PUS10: variants seen among roughly 807,000 people sequenced by gnomAD.
The protein encoded by PUS10 is pseudouridine synthase 10, also known as tRNA pseudouridine synthase Pus10.
Under a neutral mutation model 75.0 loss-of-function variants are expected in PUS10, and 59 were observed. The ratio of observed to expected loss-of-function variants is 0.79; its 90% CI spans 0.64 to 0.98. PUS10 has a LOEUF of 0.98. PUS10 is among the 50% of genes least tolerant of loss of function. The pLI, the probability that PUS10 is intolerant of heterozygous loss-of-function variation, is 0.00. For missense variants in PUS10, 650 were observed against 614.4 expected (o/e 1.06, Z -0.61); for synonymous variants, 219 against 211.6 (o/e 1.03, Z -0.30).
intron 17 of PUS10, among the ~76,000 whole-genome samples, chr2:60,942,801 T>C (rs927540452): frequency 6.6e-6 from 1 of 152,028 alleles, no homozygotes; most frequent in Non-Finnish European, 1.5e-5. Flanking sequence ...ATGATCAAGG[T>C]GGGCAGACCA....
chr2:60,967,295 A>G, intron 6 of PUS10: 1 of 417,284 alleles, frequency 2.4e-6, no homozygotes, highest in Non-Finnish European at 4.3e-6. Flanking sequence ...AGTGTCTTAG[A>G]TCATAAAGAA....
At chr2:61,007,411 A>G (rs1214521730) in intron 3 of PUS10, among the ~76,000 whole-genome samples, 1 of 152,016 alleles carries the variant, frequency 6.6e-6, no homozygotes, top group Non-Finnish European at 1.5e-5. Flanking sequence ...CAATGAGCCA[A>G]TATCATGCCA....
chr2:60,991,098 C>G lies in PUS10; in HGVS notation c.468+15459G>C, dbSNP rs1227724430. Among the ~76,000 whole-genome samples, 5 of 152,168 alleles carry G rather than the reference C, an allele frequency of 3.3e-5. No homozygotes were observed. In the East Asian group the frequency reaches 9.6e-4, roughly 29 times the overall value. ...CTCTCTATGTTGCCCAGGCTGGTCT[C>G]AAACTCCTGGGCTCAGGCAATCCTC... On this transcript the variant is annotated intron_variant, in intron 4 of 17. Transcript: ENST00000316752.
Position 60,965,578 on chromosome 2 carries a change from C to T in PUS10, c.616-94G>A, listed in dbSNP as rs138595461. 777 of 932,498 alleles carry T rather than the reference C, an allele frequency of 8.3e-4. 4 individuals carry two copies. The highest frequency in any genetic ancestry group is 4.8e-3 in the Middle Eastern group (21 of 4,410). 57.8% of individuals were successfully genotyped at this position (932,498 alleles called of 1,614,324 possible). A position where few individuals can be genotyped will look rare whatever the true frequency, so the allele number is the denominator to read the frequency against. On this transcript the variant is annotated intron_variant, in intron 6 of 17. Coordinates refer to ENST00000316752, the MANE Select transcript of PUS10 (RefSeq NM_144709.4). ...ATAGAAATTAATTCTCAAAGATTGG[C>T]TCAGAAAAGAATGACCAGAAAAACT...
At chr2:60,955,888 CA>C (rs1244143060) in intron 11 of PUS10, among the ~76,000 whole-genome samples, 1 of 151,234 alleles carries the variant, frequency 6.6e-6, no homozygotes, top group Non-Finnish European at 1.5e-5. Flanking sequence ...TTCCTTAGAA[CA>C]AAGCAAAAAC....
intron 4 of PUS10, among the ~76,000 whole-genome samples, chr2:60,999,821 G>C (rs1678732333): frequency 6.6e-6 from 1 of 151,978 alleles, no homozygotes; most frequent in African/African-American, 2.4e-5. Context: ...ATTTAGGGGG[G>C]AAAAAGGATC....
intron 2 of PUS10, among the ~76,000 whole-genome samples, chr2:61,011,060 T>A (rs1679565326): frequency 6.6e-6 from 1 of 152,182 alleles, no homozygotes; most frequent in Non-Finnish European, 1.5e-5. Flanking sequence ...TCCTGGACAA[T>A]TTTTTAAATT....
At chr2:61,004,144 A>G (rs1373058767) in intron 4 of PUS10, among the ~76,000 whole-genome samples, 1 of 152,232 alleles carries the variant, frequency 6.6e-6, no homozygotes, top group Admixed American at 6.5e-5. Flanking sequence ...GCCACAATGT[A>G]GAACATGGCA....
Position 60,964,957 on chromosome 2 carries a change from A to G in PUS10, c.723+101T>C, listed in dbSNP as rs1439012179. 3 of 991,272 alleles carry G rather than the reference A, an allele frequency of 3.0e-6. No homozygotes were observed. The African/African-American group carries it at 4.9e-5, about 16-fold the overall frequency. 61.4% of individuals were successfully genotyped at this position (991,272 alleles called of 1,614,324 possible). On this transcript the variant is annotated intron_variant, in intron 8 of 17. Coordinates refer to ENST00000316752, the MANE Select transcript of PUS10 (RefSeq NM_144709.4). ...TTTAAAAGCTGATTCTTAGTATAAT[A>G]GAGTTGCCATGTTTCTGATGCATAT...
chr2:60,981,786 A>G (rs1311873214), intron 4 of PUS10, among the ~76,000 whole-genome samples: 3 of 152,128 alleles, frequency 2.0e-5, no homozygotes, highest in Admixed American at 6.5e-5. Context: ...TCTACATTCA[A>G]TTTGCTGTAA....
chr2:60,974,355 A>G (rs1458585262), intron 4 of PUS10, among the ~76,000 whole-genome samples: 1 of 151,198 alleles, frequency 6.6e-6, no homozygotes, highest in Non-Finnish European at 1.5e-5. Flanking sequence ...AGCTGGGACT[A>G]CAGGCGCGTG....
chr2:60,997,691 G>C (rs1678570921), intron 4 of PUS10, among the ~76,000 whole-genome samples: 1 of 151,826 alleles, frequency 6.6e-6, no homozygotes. Flanking sequence ...GCATATGTCT[G>C]GGACATTCAT....
chr2:60,981,890 C>T (rs1376334524), intron 4 of PUS10, among the ~76,000 whole-genome samples: 2 of 152,194 alleles, frequency 1.3e-5, no homozygotes, highest in African/African-American at 2.4e-5. Context: ...CTTTTGACCT[C>T]GTGAACCCCT....
At position 60,952,858 on chromosome 2, in the gene PUS10, C is replaced by T. The variant is rs1184536208; in HGVS notation, c.1308+139G>A. On this transcript the variant is annotated intron_variant, in intron 15 of 17. Transcript: ENST00000316752. ...GCCCAGTCCTTCAGCTAGTCAGTGG[C>T]AGAACCAGGCTTGGAACCCAGGTCT... 4.0e-5 allele frequency: 23 copies of T among 569,034 alleles called. No homozygotes were observed. In the East Asian group the frequency reaches 6.2e-4, roughly 15 times the overall value. 35.2% of individuals were successfully genotyped at this position (569,034 alleles called of 1,614,324 possible). A position where few individuals can be genotyped will look rare whatever the true frequency, so the allele number is the denominator to read the frequency against.
chr2:61,015,509 C>G (rs1302574150), intron 1 of PUS10, among the ~76,000 whole-genome samples: 13 of 152,000 alleles, frequency 8.6e-5, no homozygotes. Context: ...ACCATCCTGG[C>G]TAACACGATG....
chr2:60,996,916 G>C (rs1270105191), intron 4 of PUS10, among the ~76,000 whole-genome samples: 1 of 152,188 alleles, frequency 6.6e-6, no homozygotes, highest in African/African-American at 2.4e-5. Flanking sequence ...GTATCAATGG[G>C]TTTACACTTG....
At chr2:60,988,656 G>C (rs1033238966) in intron 4 of PUS10, among the ~76,000 whole-genome samples, 4 of 152,152 alleles carry the variant, frequency 2.6e-5, no homozygotes, top group Non-Finnish European at 4.4e-5. Context: ...TGTTTTTTGA[G>C]ATGGAGTCTT....
intron 9 of PUS10, among the ~76,000 whole-genome samples, chr2:60,962,549 G>A (rs931172044): frequency 2.6e-5 from 4 of 151,894 alleles, no homozygotes; most frequent in African/African-American, 9.7e-5. Context: ...ACTCCAGCCT[G>A]GGCAACAAAA....
intron 17 of PUS10, among the ~76,000 whole-genome samples, chr2:60,943,678 A>G (rs1258593866): frequency 2.6e-5 from 4 of 152,056 alleles, no homozygotes; most frequent in Non-Finnish European, 1.5e-5. Flanking sequence ...GTTCTGTTTC[A>G]GAATATAGCC....
Sources: gnomAD v4.1 joint callset for allele counts (sites outside exome capture counted in the v4.1 genomes callset) on GRCh38, gnomAD v4.1.1 for gene constraint, MANE v1.5 for transcripts, NCBI Gene and HGNC (gene_info 2026-07-23, HGNC 2026-07-21) for gene names.